STK32B: variants seen among roughly 807,000 people sequenced by gnomAD.
The protein encoded by STK32B is serine/threonine-protein kinase 32B.
In STK32B, 43 loss-of-function variants were observed where a neutral mutation model predicts 52.6. That is an observed-to-expected ratio of 0.82 (90% CI 0.64 to 1.05). The LOEUF is 1.05. Ranked by LOEUF, STK32B falls within the 50% of genes least tolerant of loss-of-function variation. The probability of loss-of-function intolerance (pLI) is 0.00; values close to 1 mark genes in which losing one functional copy is unlikely to be tolerated. For synonymous variants in STK32B, 238 were observed against 204.3 expected (o/e 1.17, Z -1.41); for missense variants, 621 against 534.6 (o/e 1.16, Z -1.59).
At chr4:5,174,392 A>G (rs1455594205) in intron 3 of STK32B, among the ~76,000 whole-genome samples, 4 of 152,134 alleles carry the variant, frequency 2.6e-5, no homozygotes, top group Non-Finnish European at 5.9e-5. Context: ...GTTTCTTCCT[A>G]GCCTCGATGG....
rs1234083972 is a variant in STK32B, at chr4:5,467,757, C to T, written c.1042-249C>T. On this transcript the variant is annotated intron_variant, in intron 10 of 11. Transcript: ENST00000282908. This position sits in a 1 kb window ranked among gnomAD's most constrained non-coding sequence, Gnocchi z 5.8. ...AGCTCATGAATTTCAGCCCATATTC[C>T]ATTCTAACATGGCTTTTAAGTTGGA... Among the ~76,000 whole-genome samples, 2 of 152,144 alleles carry T rather than the reference C, an allele frequency of 1.3e-5. No individual in the cohort carries two copies. The highest frequency in any genetic ancestry group is 2.9e-5 in the Non-Finnish European group (2 of 68,024).
intron 3 of STK32B, among the ~76,000 whole-genome samples, chr4:5,293,505 C>T (rs902630921): frequency 1.3e-5 from 2 of 152,142 alleles, no homozygotes; most frequent in African/African-American, 2.4e-5. Context: ...GATGGTATCT[C>T]ATTGCAGTTT....
intron 5 of STK32B, among the ~76,000 whole-genome samples, chr4:5,408,796 A>G (rs1212138107): frequency 6.6e-6 from 1 of 152,136 alleles, no homozygotes; most frequent in Non-Finnish European, 1.5e-5. Context: ...ATATGATGGA[A>G]TGAGTTAGGA....
intron 2 of STK32B, among the ~76,000 whole-genome samples, chr4:5,153,886 T>G (rs1401621500): frequency 6.6e-6 from 1 of 152,200 alleles, no homozygotes; most frequent in Non-Finnish European, 1.5e-5. Context: ...TTTGGAATAT[T>G]TATTTTTATT....
intron 3 of STK32B, among the ~76,000 whole-genome samples, chr4:5,237,870 C>T (rs770238500): frequency 6.6e-6 from 1 of 152,062 alleles, no homozygotes; most frequent in African/African-American, 2.4e-5. Flanking sequence ...GTCCTTTTCC[C>T]CATCTGACTA....
chr4:5,286,534 A>T (rs551646156), intron 3 of STK32B, among the ~76,000 whole-genome samples: 51 of 152,174 alleles, frequency 3.4e-4, no homozygotes, highest in Non-Finnish European at 5.9e-4. Context: ...CTTAGTTTTG[A>T]ATTTTCTATA....
Position 5,499,030 on chromosome 4 carries a change from G to T in STK32B, c.1192G>T (p.Gly398Trp). Residue 398 changes from glycine to tryptophan, a missense_variant, in exon 12 of 12, where the codon GGG becomes TGG. Physicochemically the swap from Gly to Trp is radical, Grantham distance 184. Transcript: ENST00000282908. Reference protein sequence around the residue: ...GGQAQSKLQDGCNNNLLTHTC... With the variant: ...GGQAQSKLQDWCNNNLLTHTC... ...CCAGGCCCAAAGCAAGCTCCAGGACGGGTGCAACAACAACCTCCTCACCCA... is the reference window on the plus strand; with the variant it reads ...CCAGGCCCAAAGCAAGCTCCAGGACTGGTGCAACAACAACCTCCTCACCCA... 6.2e-7 allele frequency: 1 copy of T among 1,613,724 alleles called. No individual in the cohort carries two copies. Among genetic ancestry groups the T allele is most frequent in the Non-Finnish European group, 8.5e-7 (1 of 1,179,796 alleles).
chr4:5,448,032 G>A (rs1239153791), intron 7 of STK32B, among the ~76,000 whole-genome samples: 2 of 152,220 alleles, frequency 1.3e-5, no homozygotes, highest in East Asian at 1.9e-4. Context: ...TTGCATGGTT[G>A]TAATGGGTGT....
chr4:5,490,820 G>A (rs970935183), intron 11 of STK32B, among the ~76,000 whole-genome samples: 5 of 152,018 alleles, frequency 3.3e-5, no homozygotes, highest in African/African-American at 7.3e-5. Context: ...GAGAATATGC[G>A]GTGTTTGGTT....
chr4:5,476,987 A>T (rs1718289263), intron 11 of STK32B, among the ~76,000 whole-genome samples: 1 of 152,044 alleles, frequency 6.6e-6, no homozygotes, highest in South Asian at 2.1e-4. Flanking sequence ...AGTGTGGCCC[A>T]GCCAACACCT....
chr4:5,031,861 C>T, the STK32B span, among the ~76,000 whole-genome samples: 1 of 152,160 alleles, frequency 6.6e-6, no homozygotes, highest in Admixed American at 6.5e-5. Flanking sequence ...AGTGGAGGCC[C>T]AGTTTCAGAC....
At chr4:5,340,806 ATGTG>A (rs1733024274) in intron 4 of STK32B, among the ~76,000 whole-genome samples, 1 of 152,232 alleles carries the variant, frequency 6.6e-6, no homozygotes, top group African/African-American at 2.4e-5. Context: ...GGGTATATGC[ATGTG>A]TATGTACACA....
chr4:5,130,477 A>G (rs1416092213), intron 1 of STK32B, among the ~76,000 whole-genome samples: 1 of 152,066 alleles, frequency 6.6e-6, no homozygotes, highest in Admixed American at 6.5e-5. Context: ...TTGAGAAGGT[A>G]GGCAAAAGGC....
chr4:5,324,067 A>G (rs1195666387), intron 3 of STK32B, among the ~76,000 whole-genome samples: 1 of 152,244 alleles, frequency 6.6e-6, no homozygotes, highest in Non-Finnish European at 1.5e-5. Flanking sequence ...TACGTAAAGC[A>G]CTTAGGCCGG....
chr4:5,127,987 A>G (rs1024945946), intron 1 of STK32B, among the ~76,000 whole-genome samples: 1 of 152,158 alleles, frequency 6.6e-6, no homozygotes, highest in Non-Finnish European at 1.5e-5. Context: ...ACCTTCCACC[A>G]TGATTGTGAG....
At chr4:5,436,100 G>T (rs1001122804) in intron 6 of STK32B, among the ~76,000 whole-genome samples, 2 of 152,182 alleles carry the variant, frequency 1.3e-5, no homozygotes, top group Non-Finnish European at 2.9e-5. Context: ...CTCAGTGCTG[G>T]GCCGTGGATT....
At chr4:5,065,181 C>A (rs1274829914) in intron 1 of STK32B, among the ~76,000 whole-genome samples, 1 of 152,040 alleles carries the variant, frequency 6.6e-6, no homozygotes, top group East Asian at 1.9e-4. Context: ...AGAACCTACA[C>A]CAGTTTTCAA....
At chr4:5,195,411 G>A (rs1383299493) in intron 3 of STK32B, among the ~76,000 whole-genome samples, 1 of 152,162 alleles carries the variant, frequency 6.6e-6, no homozygotes. Context: ...TATTAGAATG[G>A]GCCGGGTGCA....
intron 3 of STK32B, among the ~76,000 whole-genome samples, chr4:5,187,310 A>T (rs1720821037): frequency 6.6e-6 from 1 of 152,230 alleles, no homozygotes; most frequent in South Asian, 2.1e-4. Flanking sequence ...CTCTTGGTCC[A>T]TGGGGAATTA....
Sources: gnomAD v4.1 joint callset for allele counts (sites outside exome capture counted in the v4.1 genomes callset) on GRCh38, gnomAD v4.1.1 for gene constraint, Gnocchi (gnomAD v3.1) non-coding constraint, MANE v1.5 for transcripts, NCBI Gene and HGNC (gene_info 2026-07-23, HGNC 2026-07-21) for gene names.